The following TMEM65 variants were observed in gnomAD, a reference collection of about 807,000 sequenced individuals.
TMEM65 encodes the protein transmembrane protein 65.
Under a neutral mutation model 25.4 loss-of-function variants are expected in TMEM65, and 22 were observed. The observed-to-expected ratio is 0.86, with a 90% CI of 0.62 to 1.23. The LOEUF (loss-of-function observed/expected upper bound fraction) is 1.23. Ranked by LOEUF, TMEM65 falls within the 50% of genes most tolerant of loss-of-function variation. The pLI is 0.00. For synonymous variants in TMEM65, 132 were observed against 126.2 expected (o/e 1.05, Z -0.31); for missense variants, 262 against 308.2 (o/e 0.85, Z 1.12).
intron 1 of TMEM65, among the ~76,000 whole-genome samples, chr8:124,351,540 T>C (rs1302035458): frequency 6.6e-6 from 1 of 152,198 alleles, no homozygotes. Flanking sequence ...CTTCTCATCA[T>C]ATAACTTACA....
At chr8:124,361,949 G>A (rs978123277) in intron 1 of TMEM65, among the ~76,000 whole-genome samples, 7 of 151,140 alleles carry the variant, frequency 4.6e-5, no homozygotes, top group Admixed American at 1.3e-4. Context: ...GGAGTGCAAC[G>A]ACAGGATCTC....
In TMEM65 at chr8:124,320,147, G is replaced by T; in HGVS notation, c.560C>A (p.Ser187Ter). Residue 187 changes from serine (S) to a stop codon, truncating the protein, a stop_gained, in exon 6 of 7, where the codon TCA becomes TAA. Transcript: ENST00000297632. LOFTEE classifies it high-confidence loss of function. ...TTGCTTTGGTGTGAGATCAGGAATT[G>T]ACAGGCCTAACCTGGAAGCCAATGC... ...VEALASRLGL[S>*]IPDLTPKQVD... 6.2e-7 allele frequency: 1 copy of T among 1,613,350 alleles called. No individual in the cohort carries two copies. Among genetic ancestry groups the T allele is most frequent in the South Asian group, 1.1e-5 (1 of 91,052 alleles).
rs1401792780 is a variant in TMEM65, at chr8:124,323,362, T to A, written c.431A>T (p.Glu144Val). 6.6e-7 allele frequency: 1 copy of A among 1,513,036 alleles called. No homozygotes were observed. Among genetic ancestry groups the A allele is most frequent in the Non-Finnish European group, 9.0e-7 (1 of 1,107,294 alleles). 93.7% of individuals were successfully genotyped at this position (1,513,036 alleles called of 1,614,324 possible). ...TCCCAAAATAATTCCAATAGACATT[T>A]CAATATGGGTTCCCTGAAATATGAT... ...AIMIVAGTHIEMSIGIILGIS... is the reference protein window; with the variant it reads ...AIMIVAGTHIVMSIGIILGIS... Residue 144 changes from glutamate to valine, a missense_variant, in exon 4 of 7, where the codon GAA becomes GTA. Transcript: ENST00000297632.
At chr8:124,359,226 T>G (rs938253811) in intron 1 of TMEM65, among the ~76,000 whole-genome samples, 2 of 152,164 alleles carry the variant, frequency 1.3e-5, no homozygotes, top group Non-Finnish European at 2.9e-5. Flanking sequence ...CAAAGCCAAA[T>G]AGATGAGATC....
At chr8:124,318,920 C>T (rs966059343) in intron 6 of TMEM65, among the ~76,000 whole-genome samples, 5 of 152,146 alleles carry the variant, frequency 3.3e-5, no homozygotes, top group African/African-American at 4.8e-5. Flanking sequence ...TCTTCTACCT[C>T]GCTCTGTTTT....
intron 1 of TMEM65, among the ~76,000 whole-genome samples, chr8:124,350,475 TCTCA>T (rs951245177): frequency 1.9e-4 from 16 of 82,296 alleles, no homozygotes; most frequent in East Asian, 5.8e-4. Flanking sequence ...TCTCTCTCTC[TCTCA>T]CACACACACA....
chr8:124,371,797 G>T, intron 1 of TMEM65, 57 bp downstream of exon 1: 1 of 1,463,298 alleles, frequency 6.8e-7, no homozygotes, highest in South Asian at 1.3e-5. Context: ...CCGGTGGGCT[G>T]GCGAGAAGAG....
At chr8:124,337,145 GCACACA>G (rs1192708890) in intron 1 of TMEM65, among the ~76,000 whole-genome samples, 1 of 126,916 alleles carries the variant, frequency 7.9e-6, no homozygotes, top group African/African-American at 3.2e-5. Flanking sequence ...ACACACACAC[GCACACA>G]CACACACCCC....
Position 124,308,634 on chromosome 8 carries a change from T to C in TMEM65, c.*5326A>G, listed in dbSNP as rs1814122372. 1 of 152,136 alleles carries C rather than the reference T, an allele frequency of 6.6e-6. No individual in the cohort carries two copies. The highest frequency in any genetic ancestry group is 2.1e-4 in the South Asian group (1 of 4,832). 9.4% of individuals were successfully genotyped at this position (152,136 alleles called of 1,614,324 possible). ...GTAGAAAGTTTCAAGATCTGAATCC[T>C]GGAGTGAATCAAAAGCTAAGCAATT... On this transcript the variant is annotated 3_prime_UTR_variant, in exon 7 of 7. Transcript: ENST00000297632.
At position 124,307,111 on chromosome 8, in the gene TMEM65, T is replaced by G. The variant is rs2131186501; in HGVS notation, c.*6849A>C. On this transcript the variant is annotated 3_prime_UTR_variant, in exon 7 of 7. Coordinates refer to ENST00000297632, the MANE Select transcript of TMEM65 (RefSeq NM_194291.3). Reference sequence around the variant, plus strand: ...CTACTACCATAATTTCAGAGCTACCTCCTGTTGCTGTTGCTGTGAGCTCAA... The same window carrying G: ...CTACTACCATAATTTCAGAGCTACCGCCTGTTGCTGTTGCTGTGAGCTCAA... 6.6e-6 allele frequency: 1 copy of G among 152,326 alleles called. No homozygotes were observed. The highest frequency in any genetic ancestry group is 2.1e-4 in the South Asian group (1 of 4,824). The allele number at this position is 152,326 out of a possible 1,614,324, so 9.4% of individuals were successfully genotyped here.
At chr8:124,314,240 C>T (rs1346132202) in intron 6 of TMEM65, among the ~76,000 whole-genome samples, 179 bp from the exon 7 acceptor site, 2 of 152,090 alleles carry the variant, frequency 1.3e-5, no homozygotes, top group Non-Finnish European at 2.9e-5. Flanking sequence ...ATTATGTAAA[C>T]ATAGCTTTGT....
At chr8:124,369,690 C>T (rs368616391) in intron 1 of TMEM65, among the ~76,000 whole-genome samples, 38 of 152,224 alleles carry the variant, frequency 2.5e-4, no homozygotes, top group South Asian at 1.0e-3. Flanking sequence ...ATGAGCTGTA[C>T]GCATTCCCAA....
At position 124,372,662 on chromosome 8, in the gene TMEM65, A is replaced by AGCCGCCGCAGCC. The variant is rs1815038762; in HGVS notation, c.-506_-505insGGCTGCGGCGGC. On this transcript the variant is annotated 5_prime_UTR_variant, in exon 1 of 7. Coordinates refer to ENST00000297632, the MANE Select transcript of TMEM65 (RefSeq NM_194291.3). ...CAAAGCAGCCGCGCTCCCGAGCCGCAGCCGCCGCCGCCGCCGCTACCCCTA... is the reference window on the plus strand; with the variant it reads ...CAAAGCAGCCGCGCTCCCGAGCCGCAGCCGCCGCAGCCGCCGCCGCCGCCGCCGCTACCCCTA... 6.2e-6 allele frequency: 1 copy of AGCCGCCGCAGCC among 160,772 alleles called. No individual in the cohort carries two copies. The highest frequency in any genetic ancestry group is 1.9e-4 in the East Asian group (1 of 5,326). The allele number at this position is 160,772 out of a possible 1,614,324, so 10.0% of individuals were successfully genotyped here.
At chr8:124,318,855 A>G (rs1206696941) in intron 6 of TMEM65, among the ~76,000 whole-genome samples, 3 of 152,172 alleles carry the variant, frequency 2.0e-5, no homozygotes, top group African/African-American at 7.2e-5. Flanking sequence ...AGTGAGGCCT[A>G]CAGTGACTCT....
chr8:124,366,966 A>G (rs1272072121), intron 1 of TMEM65, among the ~76,000 whole-genome samples: 1 of 152,178 alleles, frequency 6.6e-6, no homozygotes, highest in East Asian at 1.9e-4. Context: ...TCTTGCCTCA[A>G]TTCATACTTC....
chr8:124,363,836 C>CAAAAAAAAAAAAAAA (rs869161640), intron 1 of TMEM65, among the ~76,000 whole-genome samples: 2 of 55,714 alleles, frequency 3.6e-5, no homozygotes, highest in Admixed American at 3.3e-4. Flanking sequence ...GACTCCGTCT[C>CAAAAAAAAAAAAAAA]AAAAAAAAAA....
At chr8:124,323,486 A>C in intron 3 of TMEM65, 111 bp from the exon 4 acceptor site, 1 of 500,096 alleles carries the variant, frequency 2.0e-6, no homozygotes, top group Non-Finnish European at 3.6e-6. Context: ...TTAGTGCTGC[A>C]AAATTACATA....
chr8:124,370,769 G>A (rs1815001752), intron 1 of TMEM65, among the ~76,000 whole-genome samples: 1 of 152,166 alleles, frequency 6.6e-6, no homozygotes, highest in Non-Finnish European at 1.5e-5. Context: ...TTTCAAGTCT[G>A]GCAAATCAAA....
At chr8:124,334,583 G>A (rs1814480347) in intron 1 of TMEM65, among the ~76,000 whole-genome samples, 1 of 151,590 alleles carries the variant, frequency 6.6e-6, no homozygotes, top group African/African-American at 2.4e-5. Flanking sequence ...GACCAACATG[G>A]TGAAACCCCA....
Sources: gnomAD v4.1 joint callset for allele counts (sites outside exome capture counted in the v4.1 genomes callset) on GRCh38, gnomAD v4.1.1 for gene constraint, MANE v1.5 for transcripts, NCBI Gene and HGNC (gene_info 2026-07-23, HGNC 2026-07-21) for gene names.